Variants in PTAFR observed in about 807,000 individuals in gnomAD.
PTAFR encodes platelet-activating factor receptor.
Under a neutral mutation model 14.7 loss-of-function variants are expected in PTAFR, and 8 were observed. The observed-to-expected ratio is 0.54, with a 90% CI of 0.32 to 0.98. The LOEUF is 0.98. Ranked by LOEUF, PTAFR falls within the 50% of genes least tolerant of loss-of-function variation. PTAFR has a pLI of 0.04. For missense variants in PTAFR, 337 were observed against 451.2 expected (o/e 0.75, Z 2.29); for synonymous variants, 156 against 176.5 (o/e 0.88, Z 0.92).
intron 1 of PTAFR, among the ~76,000 whole-genome samples, chr1:28,156,879 G>A (rs911960196): frequency 2.6e-5 from 4 of 152,112 alleles, no homozygotes; most frequent in African/African-American, 9.7e-5. Context: ...TGTGGTGGCT[G>A]GGGGCAGCTC....
At chr1:28,156,608 T>G (rs1312365339) in intron 1 of PTAFR, among the ~76,000 whole-genome samples, 5 of 152,230 alleles carry the variant, frequency 3.3e-5, no homozygotes, top group Non-Finnish European at 1.5e-5. Flanking sequence ...TAAGTTTTCA[T>G]TTTTAATACA....
chr1:28,173,105 CAA>C (rs68034962), intron 1 of PTAFR, among the ~76,000 whole-genome samples: 9 of 50,114 alleles, frequency 1.8e-4, no homozygotes, highest in Non-Finnish European at 2.9e-4. Flanking sequence ...CCCGTTTCCA[CAA>C]AAAAAAAAAA....
At chr1:28,151,164 T>A in intron 1 of PTAFR, 105 bp from the exon 2 acceptor site, 2 of 645,684 alleles carry the variant, frequency 3.1e-6, no homozygotes, top group Non-Finnish European at 5.3e-6. Context: ...TGATGTCCCC[T>A]CAGAAGTTCA....
intron 1 of PTAFR, among the ~76,000 whole-genome samples, chr1:28,159,238 A>G (rs1646298568): frequency 6.6e-6 from 1 of 152,168 alleles, no homozygotes; most frequent in South Asian, 2.1e-4. Flanking sequence ...AGAGCCCAAC[A>G]TCAAGGAAGA....
upstream of PTAFR, among the ~76,000 whole-genome samples, chr1:28,179,306 T>TC (rs200438139): frequency 4.3e-4 from 66 of 152,258 alleles, no homozygotes; most frequent in East Asian, 0.012. Flanking sequence ...TGGCTCAAGG[T>TC]CCGGAACTGT....
intron 1 of PTAFR, among the ~76,000 whole-genome samples, chr1:28,168,511 A>G (rs1289479016): frequency 6.6e-6 from 1 of 152,306 alleles, no homozygotes; most frequent in East Asian, 1.9e-4. Flanking sequence ...TCACAGGAAG[A>G]CAAATACTAT....
Position 28,151,093 on chromosome 1 carries a change from G to A in PTAFR, c.-38-34C>T. ...CCACACAAAAATTCTGGTTAATAAA[G>A]GGACAAGAAGGGACTGTTCCATTTC... is the stretch of plus-strand genomic sequence containing the variant. On this transcript the variant is annotated intron_variant, in intron 1 of 1. Coordinates refer to ENST00000373857, the MANE Select transcript of PTAFR (RefSeq NM_000952.5). The A allele has an allele frequency of 3.5e-6, 4 of 1,153,864 alleles. No homozygotes were observed. The South Asian group carries it at 6.2e-5, about 18-fold the overall frequency. The allele number at this position is 1,153,864 out of a possible 1,614,324, so 71.5% of individuals were successfully genotyped here.
At chr1:28,169,986 C>T (rs916188113) in intron 1 of PTAFR, among the ~76,000 whole-genome samples, 10 of 143,052 alleles carry the variant, frequency 7.0e-5, no homozygotes, top group East Asian at 2.0e-4. Flanking sequence ...GGCGACAGAG[C>T]GAGACTCCAT....
intron 1 of PTAFR, among the ~76,000 whole-genome samples, chr1:28,167,632 G>GTTTTTTTT (rs1557691575): frequency 9.2e-6 from 1 of 109,286 alleles, no homozygotes; most frequent in African/African-American, 4.3e-5. Context: ...CTGAAAACGG[G>GTTTTTTTT]ATTTTTTTTT....
chr1:28,175,701 C>A (rs1375785809), intron 1 of PTAFR, among the ~76,000 whole-genome samples: 1 of 151,968 alleles, frequency 6.6e-6, no homozygotes, highest in East Asian at 1.9e-4. Context: ...TGTATAAGAA[C>A]CTGGTTATTT....
chr1:28,181,468 C>T (rs563555943), upstream of PTAFR, among the ~76,000 whole-genome samples: 8 of 152,268 alleles, frequency 5.3e-5, no homozygotes, highest in East Asian at 1.9e-4. Flanking sequence ...AAATTCTAGC[C>T]GGGCGCGGTG....
At chr1:28,186,599 A>G (rs1209271828) in intron 1 of PTAFR, among the ~76,000 whole-genome samples, 1 of 152,228 alleles carries the variant, frequency 6.6e-6, no homozygotes, top group African/African-American at 2.4e-5. Context: ...TTCATATCAC[A>G]TGTCAAGTCT....
chr1:28,174,544 A>G (rs762546582), intron 1 of PTAFR, among the ~76,000 whole-genome samples: 11 of 152,162 alleles, frequency 7.2e-5, no homozygotes, highest in Non-Finnish European at 1.5e-4. Context: ...CAATGACCAG[A>G]TGGGGAAACT....
At chr1:28,177,775 G>A (rs1339313186), upstream of PTAFR, among the ~76,000 whole-genome samples, 2 of 151,446 alleles carry the variant, frequency 1.3e-5, no homozygotes, top group East Asian at 1.9e-4. Flanking sequence ...GGTTGGCAGC[G>A]TATGAGTTCA....
At chr1:28,154,345 C>T (rs1646237801) in intron 1 of PTAFR, among the ~76,000 whole-genome samples, 1 of 152,192 alleles carries the variant, frequency 6.6e-6, no homozygotes, top group Admixed American at 6.5e-5. Context: ...TTCTTTCACA[C>T]ATCCATCCAA....
intron 1 of PTAFR, among the ~76,000 whole-genome samples, chr1:28,175,650 C>T (rs1646505041): frequency 6.6e-6 from 1 of 151,962 alleles, no homozygotes; most frequent in East Asian, 1.9e-4. Context: ...TCCCCAGCAC[C>T]TGGGACCTGA....
At chr1:28,156,795 C>T (rs1239239294) in intron 1 of PTAFR, among the ~76,000 whole-genome samples, 1 of 152,210 alleles carries the variant, frequency 6.6e-6, no homozygotes, top group African/African-American at 2.4e-5. Flanking sequence ...CCTTGTTTCT[C>T]TCTCAGGCTA....
At chr1:28,178,586 C>A (rs951562557), upstream of PTAFR, among the ~76,000 whole-genome samples, 2 of 152,146 alleles carry the variant, frequency 1.3e-5, no homozygotes, top group African/African-American at 4.8e-5. Context: ...TAACATTTGC[C>A]TCAGTCATGT....
chr1:28,165,403 C>CAAAAAAAAAAAAAAAA (rs36099131), intron 1 of PTAFR, among the ~76,000 whole-genome samples: 1 of 45,896 alleles, frequency 2.2e-5, no homozygotes, highest in Non-Finnish European at 4.5e-5. Flanking sequence ...GACTCTGTCT[C>CAAAAAAAAAAAAAAAA]AAAAAAAAAA....
Sources: allele counts gnomAD v4.1 joint callset (sites outside exome capture counted in the v4.1 genomes callset), GRCh38; gene constraint gnomAD v4.1.1; transcripts MANE v1.5; gene names NCBI Gene and HGNC (gene_info 2026-07-23, HGNC 2026-07-21).